Variants in MAPKAPK2 observed in about 807,000 individuals in gnomAD.
MAPKAPK2 encodes the protein MAP kinase-activated protein kinase 2.
In MAPKAPK2, 9 loss-of-function variants were observed where a neutral mutation model predicts 48.8. The observed-to-expected ratio is 0.18, with a 90% CI of 0.11 to 0.32. The LOEUF (loss-of-function observed/expected upper bound fraction) is 0.32. MAPKAPK2 is among the 10% of genes least tolerant of loss of function. The pLI is 1.00. For synonymous variants in MAPKAPK2, 202 were observed against 190.6 expected (o/e 1.06, Z -0.49); for missense variants, 331 against 498.3 (o/e 0.66, Z 3.20).
intron 6 of MAPKAPK2, 81 bp downstream of exon 6, chr1:206,730,844 A>G: frequency 1.4e-6 from 2 of 1,436,660 alleles, no homozygotes; most frequent in Non-Finnish European, 2.0e-6. Context: ...GAAGAGGCAG[A>G]CGTTAGCATT....
intron 1 of MAPKAPK2, among the ~76,000 whole-genome samples, chr1:206,703,051 A>C (rs1388651329): frequency 6.6e-6 from 1 of 152,178 alleles, no homozygotes; most frequent in Non-Finnish European, 1.5e-5. Flanking sequence ...GCGGACAAGA[A>C]CTATGTCTTA....
At chr1:206,695,139 C>A (rs1553426804) in intron 1 of MAPKAPK2, among the ~76,000 whole-genome samples, 2 of 152,134 alleles carry the variant, frequency 1.3e-5, no homozygotes, top group Non-Finnish European at 2.9e-5. Context: ...TGACTTTATG[C>A]ATTTGATTTG....
chr1:206,725,933 C>G (rs1441665112), intron 1 of MAPKAPK2, among the ~76,000 whole-genome samples: 12 of 152,192 alleles, frequency 7.9e-5, no homozygotes, highest in Admixed American at 7.9e-4. Context: ...ATCAGGACTG[C>G]TCTATTTGGT....
chr1:206,731,552 A>G lies in MAPKAPK2; in HGVS notation c.893-88A>G, dbSNP rs1330321730. ...CCTGCCTCCATGCACCCCCTCTTTG[A>G]ACCTGGTTTCCCCATGAAAACTGGG... On this transcript the variant is annotated intron_variant, in intron 7 of 9. Transcript: ENST00000367103. The surrounding 1 kb of genome is among the most constrained non-coding windows in gnomAD (Gnocchi z 5.9). 1 of 1,259,038 alleles carries G rather than the reference A, an allele frequency of 7.9e-7. No individual in the cohort carries two copies. The highest frequency in any genetic ancestry group is 1.7e-5 in the Admixed American group (1 of 59,204). The allele number at this position is 1,259,038 out of a possible 1,614,324, so 78.0% of individuals were successfully genotyped here.
At chr1:206,705,933 A>G (rs1210905547) in intron 1 of MAPKAPK2, among the ~76,000 whole-genome samples, 2 of 152,090 alleles carry the variant, frequency 1.3e-5, no homozygotes, top group African/African-American at 4.8e-5. Context: ...GGCTTAGGGA[A>G]TTCCCGGAGC....
At position 206,732,032 on chromosome 1, in the gene MAPKAPK2, T is replaced by C. The variant is rs1462621967; in HGVS notation, c.1059+113T>C. On this transcript the variant is annotated intron_variant, in intron 9 of 9. Coordinates refer to ENST00000367103, the MANE Select transcript of MAPKAPK2 (RefSeq NM_032960.4). This position sits in a 1 kb window ranked among gnomAD's most constrained non-coding sequence, Gnocchi z 4.4. Reference sequence around the variant, plus strand: ...GGAGAGCTTGATTCTGCCTCTCTCATCCCAGGGGTGTCTTCATGACAAGAA... The same window carrying C: ...GGAGAGCTTGATTCTGCCTCTCTCACCCCAGGGGTGTCTTCATGACAAGAA... The C allele has an allele frequency of 6.2e-7, 1 of 1,614,080 alleles. No homozygotes were observed. The highest frequency in any genetic ancestry group is 1.6e-4 in the Middle Eastern group (1 of 6,062).
At chr1:206,702,382 C>A (rs1286223341) in intron 1 of MAPKAPK2, among the ~76,000 whole-genome samples, 2 of 152,178 alleles carry the variant, frequency 1.3e-5, no homozygotes, top group African/African-American at 4.8e-5. Context: ...GCCAAGGGCT[C>A]TAGGGAGATG....
At position 206,685,493 on chromosome 1, in the gene MAPKAPK2, G is replaced by T; in HGVS notation, c.264G>T (p.Glu88Asp). 1 of 1,532,858 alleles carries T rather than the reference G, an allele frequency of 6.5e-7. No individual in the cohort carries two copies. The highest frequency in any genetic ancestry group is 8.8e-7 in the Non-Finnish European group (1 of 1,135,502). 95.0% of individuals were successfully genotyped at this position (1,532,858 alleles called of 1,614,324 possible). A position where few individuals can be genotyped will look rare whatever the true frequency, so the allele number is the denominator to read the frequency against. ...AGATCTTCAACAAGAGGACCCAGGA[G>T]AAATTCGCCCTCAAAGTAGGTCTGG... The part of the protein sequence containing the change: ...VLQIFNKRTQ[E>D]KFALKMLQDC... Residue 88 changes from glutamate (E) to aspartate (D), a missense_variant, in exon 1 of 10, where the codon GAG becomes GAT. Coordinates refer to ENST00000367103, the MANE Select transcript of MAPKAPK2 (RefSeq NM_032960.4).
At chr1:206,690,720 T>G (rs570824427) in intron 1 of MAPKAPK2, among the ~76,000 whole-genome samples, 5 of 152,200 alleles carry the variant, frequency 3.3e-5, no homozygotes, top group African/African-American at 7.2e-5. Context: ...AGGAGTGTGC[T>G]GAGTGGGTGC....
In MAPKAPK2 at chr1:206,732,882, C is replaced by A; in HGVS notation, c.*164C>A. On this transcript the variant is annotated 3_prime_UTR_variant, in exon 10 of 10. Coordinates refer to ENST00000367103, the MANE Select transcript of MAPKAPK2 (RefSeq NM_032960.4). This position sits in a 1 kb window ranked among gnomAD's most constrained non-coding sequence, Gnocchi z 4.4. ...TGAATTCTGCCTTGGTTCTGGCCAC[C>A]CCAGAGTGGGAGAGGCTGGGAGGTT... 1.3e-6 allele frequency: 1 copy of A among 796,810 alleles called. No homozygotes were observed. The highest frequency in any genetic ancestry group is 1.9e-6 in the Non-Finnish European group (1 of 524,870). The allele number at this position is 796,810 out of a possible 1,614,324, so 49.4% of individuals were successfully genotyped here. A position where few individuals can be genotyped will look rare whatever the true frequency, so the allele number is the denominator to read the frequency against.
At chr1:206,696,411 T>G in intron 1 of MAPKAPK2, 1 of 600,510 alleles carries the variant, frequency 1.7e-6, no homozygotes. Context: ...ATGTCCTCAT[T>G]AAAAAACTCA....
At chr1:206,693,232 A>T (rs1197170781) in intron 1 of MAPKAPK2, among the ~76,000 whole-genome samples, 1 of 152,132 alleles carries the variant, frequency 6.6e-6, no homozygotes, top group African/African-American at 2.4e-5. Context: ...TCTGCCGAAC[A>T]GCTAAAAATA....
At chr1:206,687,165 G>A (rs1174534257) in intron 1 of MAPKAPK2, among the ~76,000 whole-genome samples, 1 of 152,152 alleles carries the variant, frequency 6.6e-6, no homozygotes, top group Admixed American at 6.5e-5. Context: ...TGGGGACACT[G>A]GCTGTTCATT....
Position 206,685,306 on chromosome 1 carries a change from CTGCCCTGCCGCA to C in MAPKAPK2, c.78_89del (p.Ala27_His30del). On this transcript the variant is annotated inframe_deletion, in exon 1 of 10. Coordinates refer to ENST00000367103, the MANE Select transcript of MAPKAPK2 (RefSeq NM_032960.4). ...GCCCCGCCGCCGCAGCCCCCCACCC[CTGCCCTGCCGCA>C]CCCCCCGGCGCAGCCGCCGCCGCCG... The C allele has an allele frequency of 6.7e-6, 7 of 1,045,582 alleles. No homozygotes were observed. Among genetic ancestry groups the C allele is most frequent in the Non-Finnish European group, 6.7e-6 (5 of 751,096 alleles). The allele number at this position is 1,045,582 out of a possible 1,614,324, so 64.8% of individuals were successfully genotyped here.
intron 1 of MAPKAPK2, among the ~76,000 whole-genome samples, chr1:206,702,387 G>C (rs1017338273): frequency 1.3e-5 from 2 of 152,178 alleles, no homozygotes; most frequent in African/African-American, 4.8e-5. Context: ...GGGCTCTAGG[G>C]AGATGCAGAG....
intron 1 of MAPKAPK2, among the ~76,000 whole-genome samples, chr1:206,721,258 G>A (rs964635611): frequency 6.6e-6 from 1 of 152,136 alleles, no homozygotes; most frequent in African/African-American, 2.4e-5. Context: ...TAAGCTTCCT[G>A]AGGCCTCACC....
rs782586867 is a variant in MAPKAPK2, at chr1:206,728,854, G to A, written c.419+5G>A. ...CCTGCTGATTGTCATGGAATGGTAA[G>A]CAGCCACTGTTCTAGTCCCGGCCCA... On this transcript the variant is annotated splice_donor_5th_base_variant and intron_variant, in intron 2 of 9. Transcript: ENST00000367103. The A allele has an allele frequency of 6.2e-7, 1 of 1,613,996 alleles. No homozygotes were observed. The highest frequency in any genetic ancestry group is 8.5e-7 in the Non-Finnish European group (1 of 1,179,938).
At chr1:206,699,257 G>A (rs1444350512) in intron 1 of MAPKAPK2, among the ~76,000 whole-genome samples, 1 of 152,174 alleles carries the variant, frequency 6.6e-6, no homozygotes, top group Non-Finnish European at 1.5e-5. Context: ...TCAGGGAGTG[G>A]GTGGGGGTAA....
At position 206,732,355 on chromosome 1, in the gene MAPKAPK2, C is replaced by T. The variant is rs1673944306; in HGVS notation, c.1060-220C>T. The T allele has an allele frequency of 8.3e-6, 12 of 1,445,100 alleles. No individual in the cohort carries two copies. Among genetic ancestry groups the T allele is most frequent in the Non-Finnish European group, 1.0e-5 (11 of 1,102,200 alleles). 89.5% of individuals were successfully genotyped at this position (1,445,100 alleles called of 1,614,324 possible). A position where few individuals can be genotyped will look rare whatever the true frequency, so the allele number is the denominator to read the frequency against. On this transcript the variant is annotated intron_variant, in intron 9 of 9. Coordinates refer to ENST00000367103, the MANE Select transcript of MAPKAPK2 (RefSeq NM_032960.4). The surrounding 1 kb of genome is among the most constrained non-coding windows in gnomAD (Gnocchi z 4.4). ...GGATCACTGGGGGGCTCTCAGGGAACAGCAGCAGTGCCATAGCCAGGCTCT... is the reference window on the plus strand; with the variant it reads ...GGATCACTGGGGGGCTCTCAGGGAATAGCAGCAGTGCCATAGCCAGGCTCT...
Sources: allele counts gnomAD v4.1 joint callset (sites outside exome capture counted in the v4.1 genomes callset), GRCh38; gene constraint gnomAD v4.1.1; non-coding constraint Gnocchi (gnomAD v3.1); transcripts MANE v1.5; gene names NCBI Gene and HGNC (gene_info 2026-07-23, HGNC 2026-07-21).